The following ARL15 variants were observed in gnomAD, a reference collection of about 807,000 sequenced individuals.
The protein encoded by ARL15 is ADP-ribosylation factor-like protein 15.
Under a neutral mutation model 25.2 loss-of-function variants are expected in ARL15, and 19 were observed. The ratio of observed to expected loss-of-function variants is 0.75; its 90% CI spans 0.53 to 1.10. The LOEUF (loss-of-function observed/expected upper bound fraction) is 1.10. ARL15 is among the 50% of genes least tolerant of loss of function. ARL15 has a pLI of 0.00. For missense variants in ARL15, 220 were observed against 246.0 expected, an observed-to-expected ratio of 0.89 and a Z score of 0.71; for synonymous variants, 94 against 86.8, an observed-to-expected ratio of 1.08 and a Z score of -0.46.
At chr5:54,124,303 A>C (rs937117752) in intron 3 of ARL15, among the ~76,000 whole-genome samples, 3 of 152,240 alleles carry the variant, frequency 2.0e-5, no homozygotes, top group Non-Finnish European at 4.4e-5. Flanking sequence ...GTTATAGGGC[A>C]GCACATATAA....
At chr5:54,029,452 T>C (rs1749904411) in intron 4 of ARL15, among the ~76,000 whole-genome samples, 1 of 145,726 alleles carries the variant, frequency 6.9e-6, no homozygotes, top group South Asian at 2.2e-4. Context: ...TTTGCAAGTA[T>C]TAAAAACCCC....
intron 1 of ARL15, among the ~76,000 whole-genome samples, chr5:54,174,269 T>C (rs1754801773): frequency 1.3e-5 from 2 of 152,164 alleles, no homozygotes; most frequent in Middle Eastern, 3.2e-3. Flanking sequence ...GCTTGATCTA[T>C]GTTCTCTGAG....
At chr5:54,144,074 ATGTG>A (rs1185577574) in intron 3 of ARL15, among the ~76,000 whole-genome samples, 2 of 151,924 alleles carry the variant, frequency 1.3e-5, no homozygotes, top group South Asian at 2.1e-4. Flanking sequence ...GTGTGCATGC[ATGTG>A]TGTGTGTATG....
intron 4 of ARL15, among the ~76,000 whole-genome samples, chr5:54,076,816 T>C (rs1307180541): frequency 2.6e-5 from 4 of 151,736 alleles, no homozygotes; most frequent in Non-Finnish European, 4.4e-5. Flanking sequence ...CCCCAAACTA[T>C]GTAGAAAACA....
chr5:53,952,958 A>C (rs184215286), intron 4 of ARL15, among the ~76,000 whole-genome samples: 36 of 152,354 alleles, frequency 2.4e-4, no homozygotes, highest in Admixed American at 1.9e-3. Flanking sequence ...CAAAGGATAA[A>C]ATCTCAAAGC....
At chr5:54,115,524 G>A (rs2112226132) in intron 3 of ARL15, among the ~76,000 whole-genome samples, 1 of 152,068 alleles carries the variant, frequency 6.6e-6, no homozygotes, top group East Asian at 1.9e-4. Context: ...CTATCCTCCA[G>A]GTACTAAGTG....
At chr5:53,952,673 A>T (rs138210637) in intron 4 of ARL15, among the ~76,000 whole-genome samples, 1 of 152,236 alleles carries the variant, frequency 6.6e-6, no homozygotes, top group African/African-American at 2.4e-5. Context: ...TATTTAAGAA[A>T]TGAAATAATT....
intron 1 of ARL15, among the ~76,000 whole-genome samples, chr5:54,309,322 C>T (rs2112730508): frequency 6.6e-6 from 1 of 152,318 alleles, no homozygotes; most frequent in South Asian, 2.1e-4. Context: ...TCTTTATGTA[C>T]ACTAAAATAA....
intron 1 of ARL15, among the ~76,000 whole-genome samples, chr5:54,176,744 C>T (rs1754884219): frequency 6.6e-6 from 1 of 152,212 alleles, no homozygotes. Flanking sequence ...CTCTCTGCCG[C>T]TTCCTTTCTT....
chr5:54,167,630 C>G, intron 2 of ARL15, among the ~76,000 whole-genome samples: 1 of 152,178 alleles, frequency 6.6e-6, no homozygotes, highest in East Asian at 1.9e-4. Flanking sequence ...TCACTGCCCT[C>G]TCTTGAGCAT....
chr5:54,248,361 C>T (rs1757148658), intron 1 of ARL15, among the ~76,000 whole-genome samples: 2 of 152,172 alleles, frequency 1.3e-5, no homozygotes, highest in South Asian at 2.1e-4. Context: ...TTCTCTTTCT[C>T]GGACTCACTC....
At chr5:53,958,239 A>G (rs1747235096) in intron 4 of ARL15, among the ~76,000 whole-genome samples, 1 of 152,168 alleles carries the variant, frequency 6.6e-6, no homozygotes, top group Non-Finnish European at 1.5e-5. Context: ...AATTTTAAAC[A>G]TATGTTAATG....
At chr5:53,975,417 T>A (rs1747892372) in intron 4 of ARL15, among the ~76,000 whole-genome samples, 1 of 152,212 alleles carries the variant, frequency 6.6e-6, no homozygotes, top group South Asian at 2.1e-4. Flanking sequence ...CAAAGGGTCC[T>A]CCCTGTTACA....
At chr5:54,302,726 C>T (rs985197052) in intron 1 of ARL15, among the ~76,000 whole-genome samples, 1 of 112,044 alleles carries the variant, frequency 8.9e-6, no homozygotes, top group Non-Finnish European at 1.7e-5. Context: ...GGATGGGGAC[C>T]AAAGAGCAGT....
At chr5:54,180,552 C>CT (rs1305431638) in intron 1 of ARL15, among the ~76,000 whole-genome samples, 1 of 152,110 alleles carries the variant, frequency 6.6e-6, no homozygotes, top group Non-Finnish European at 1.5e-5. Flanking sequence ...CTTTAAGACC[C>CT]TAGTGGGAAA....
intron 1 of ARL15, among the ~76,000 whole-genome samples, chr5:54,254,268 T>G (rs1757311055): frequency 6.6e-6 from 1 of 152,240 alleles, no homozygotes; most frequent in African/African-American, 2.4e-5. Context: ...AATTTCATGA[T>G]GCACTCACAT....
chr5:54,072,355 T>C (rs1008878591), intron 4 of ARL15, among the ~76,000 whole-genome samples: 1 of 152,146 alleles, frequency 6.6e-6, no homozygotes, highest in African/African-American at 2.4e-5. Flanking sequence ...AAAAACCTAA[T>C]TGCAGCTGTG....
intron 3 of ARL15, among the ~76,000 whole-genome samples, chr5:54,140,316 T>C (rs1007599587): frequency 6.6e-6 from 1 of 151,830 alleles, no homozygotes; most frequent in Non-Finnish European, 1.5e-5. Context: ...GTATGAATTG[T>C]TTATTATAAT....
chr5:54,011,880 G>A (rs575889492), intron 4 of ARL15, among the ~76,000 whole-genome samples: 97 of 152,008 alleles, frequency 6.4e-4, no homozygotes, highest in Non-Finnish European at 9.3e-4. Flanking sequence ...GTGGTGGCAC[G>A]CACCTGTAGT....
Sources: allele counts gnomAD v4.1 joint callset (sites outside exome capture counted in the v4.1 genomes callset), GRCh38; gene constraint gnomAD v4.1.1; transcripts MANE v1.5; gene names NCBI Gene and HGNC (gene_info 2026-07-23, HGNC 2026-07-21).